The following SULF1 variants were observed in gnomAD, a reference collection of about 807,000 sequenced individuals.
SULF1 encodes the protein extracellular sulfatase Sulf-1.
In SULF1, 46 loss-of-function variants were observed where a neutral mutation model predicts 110.5. The ratio of observed to expected loss-of-function variants is 0.42; its 90% confidence interval spans 0.33 to 0.53. The LOEUF (loss-of-function observed/expected upper bound fraction) is 0.53. SULF1 is among the 20% of genes least tolerant of loss of function. The pLI is 0.12. For synonymous variants in SULF1, 371 were observed against 387.1 expected, an observed-to-expected ratio of 0.96 and a Z score of 0.49; for missense variants, 941 against 1,094.2, an observed-to-expected ratio of 0.86 and a Z score of 1.98.
intron 3 of SULF1, among the ~76,000 whole-genome samples, chr8:69,550,761 G>T (rs1267886291): frequency 6.6e-6 from 1 of 152,128 alleles, no homozygotes; most frequent in Non-Finnish European, 1.5e-5. Flanking sequence ...GTCCCAATTT[G>T]GGGTTGCTGT....
chr8:69,469,908 G>C (rs1301893504), intron 1 of SULF1, among the ~76,000 whole-genome samples: 2 of 152,166 alleles, frequency 1.3e-5, no homozygotes, highest in African/African-American at 2.4e-5. Context: ...CAGGCACGGT[G>C]GTGGGCACCT....
intron 6 of SULF1, among the ~76,000 whole-genome samples, chr8:69,582,396 T>C (rs1806134273): frequency 6.6e-6 from 1 of 152,210 alleles, no homozygotes; most frequent in African/African-American, 2.4e-5. Flanking sequence ...ATACTGCTAA[T>C]GGTGATGCTA....
At chr8:69,605,805 G>A (rs1489152806) in intron 13 of SULF1, among the ~76,000 whole-genome samples, 4 of 152,160 alleles carry the variant, frequency 2.6e-5, no homozygotes, top group Non-Finnish European at 5.9e-5. Flanking sequence ...GGCACAGTAC[G>A]CAGGATTTTG....
intron 6 of SULF1, among the ~76,000 whole-genome samples, chr8:69,579,715 C>T (rs969237703): frequency 2.0e-5 from 3 of 152,248 alleles, no homozygotes; most frequent in Admixed American, 6.5e-5. Context: ...CCATGGACAA[C>T]AACCCATTTG....
At chr8:69,514,783 T>A (rs1386172328) in intron 3 of SULF1, among the ~76,000 whole-genome samples, 1 of 152,088 alleles carries the variant, frequency 6.6e-6, no homozygotes, top group Non-Finnish European at 1.5e-5. Context: ...AAGGGAGAAA[T>A]CAGCCACAAC....
chr8:69,573,307 A>G (rs1805373053), intron 5 of SULF1, among the ~76,000 whole-genome samples: 1 of 152,196 alleles, frequency 6.6e-6, no homozygotes. Context: ...TGATACTGAG[A>G]ATGAGAGGAG....
intron 19 of SULF1, among the ~76,000 whole-genome samples, chr8:69,630,471 T>TG (rs1810430862): frequency 6.6e-6 from 1 of 152,186 alleles, no homozygotes; most frequent in Admixed American, 6.5e-5. Context: ...AGACCATTCT[T>TG]GGGGGGATCT....
At chr8:69,609,243 G>A (rs1003827397) in intron 13 of SULF1, among the ~76,000 whole-genome samples, 12 of 152,204 alleles carry the variant, frequency 7.9e-5, no homozygotes, top group African/African-American at 2.7e-4. Flanking sequence ...CTACTCAGGA[G>A]GCTGAGGTGA....
intron 1 of SULF1, among the ~76,000 whole-genome samples, chr8:69,483,030 G>C (rs1391868614): frequency 6.6e-6 from 1 of 152,122 alleles, no homozygotes; most frequent in Non-Finnish European, 1.5e-5. Flanking sequence ...CTTACATTGG[G>C]TATTATAAGT....
At chr8:69,520,078 A>G (rs755823712) in intron 3 of SULF1, among the ~76,000 whole-genome samples, 1 of 150,824 alleles carries the variant, frequency 6.6e-6, no homozygotes, top group Non-Finnish European at 1.5e-5. Context: ...GAATACCTGC[A>G]CTTCACTGTT....
At chr8:69,468,476 C>T (rs1385806699) in intron 1 of SULF1, among the ~76,000 whole-genome samples, 4 of 151,952 alleles carry the variant, frequency 2.6e-5, no homozygotes, top group African/African-American at 9.7e-5. Flanking sequence ...TCAAAATGTT[C>T]TCCAGTTATA....
chr8:69,640,849 C>A lies in SULF1; in HGVS notation c.2585+8C>A, dbSNP rs368170844. On this transcript the variant is annotated splice_region_variant and intron_variant, in intron 22 of 22. Transcript: ENST00000402687. ...AAGCTATGACCTACACAGGTATTCA[C>A]ACTTTTTTATTCTTCTCAACAGCTT... is the stretch of plus-strand genomic sequence containing the variant. The A allele has an allele frequency of 8.1e-6, 13 of 1,608,566 alleles. No individual in the cohort carries two copies. In the African/African-American group the frequency reaches 1.7e-4, roughly 22 times the overall value.
chr8:69,545,176 T>A (rs28609810), intron 3 of SULF1, among the ~76,000 whole-genome samples: 1 of 150,772 alleles, frequency 6.6e-6, no homozygotes, highest in African/African-American at 2.4e-5. Context: ...AAATATTAGT[T>A]GAGTTTGGAG....
chr8:69,604,717 C>T (rs1166566430), intron 12 of SULF1, 86 bp from the exon 13 acceptor site: 1 of 1,540,616 alleles, frequency 6.5e-7, no homozygotes, highest in East Asian at 2.3e-5. Context: ...AGTCATGTGA[C>T]AGGGTAAAAA....
intron 13 of SULF1, among the ~76,000 whole-genome samples, chr8:69,612,047 T>C (rs1469835589): frequency 2.0e-5 from 3 of 152,272 alleles, no homozygotes; most frequent in Non-Finnish European, 2.9e-5. Flanking sequence ...ATCATTCTTA[T>C]GCCTTTGCGT....
At chr8:69,539,021 C>T (rs561195661) in intron 3 of SULF1, among the ~76,000 whole-genome samples, 8 of 152,138 alleles carry the variant, frequency 5.3e-5, no homozygotes, top group Non-Finnish European at 1.0e-4. Flanking sequence ...GTGATATATG[C>T]CAGGATTGAA....
At chr8:69,632,402 A>G (rs1375340471) in intron 19 of SULF1, among the ~76,000 whole-genome samples, 1 of 152,196 alleles carries the variant, frequency 6.6e-6, no homozygotes, top group Non-Finnish European at 1.5e-5. Context: ...TATATGTAAT[A>G]TATATACTAA....
chr8:69,624,402 A>T (rs1231696816), intron 15 of SULF1, among the ~76,000 whole-genome samples: 1 of 152,240 alleles, frequency 6.6e-6, no homozygotes, highest in East Asian at 1.9e-4. Flanking sequence ...GTTTGATTTC[A>T]CATTAAGACT....
At chr8:69,544,025 A>G (rs981123520) in intron 3 of SULF1, among the ~76,000 whole-genome samples, 1 of 152,172 alleles carries the variant, frequency 6.6e-6, no homozygotes, top group Non-Finnish European at 1.5e-5. Context: ...TTATCAAATT[A>G]TATTCATTTC....
Sources: allele counts gnomAD v4.1 joint callset (sites outside exome capture counted in the v4.1 genomes callset), GRCh38; gene constraint gnomAD v4.1.1; transcripts MANE v1.5; gene names NCBI Gene and HGNC (gene_info 2026-07-23, HGNC 2026-07-21).